Variants in CSMD1 observed in about 807,000 individuals in gnomAD.
CSMD1 encodes CUB and sushi domain-containing protein 1.
Under a neutral mutation model 417.5 loss-of-function variants are expected in CSMD1, and 213 were observed. That is an observed-to-expected ratio of 0.51 (90% CI 0.46 to 0.57). The LOEUF (loss-of-function observed/expected upper bound fraction) is 0.57. Among genes scored for constraint, CSMD1 ranks in the 20% least tolerant of loss-of-function variants. The pLI is 0.00. For synonymous variants in CSMD1, 2,862 were observed against 1,736.8 expected (o/e 1.65, Z -16.11); for missense variants, 6,923 against 4,529.7 (o/e 1.53, Z -15.17).
rs1801496411 is a variant in CSMD1, at chr8:2,936,485, G to A, written c.*2100C>T. 6.6e-6 allele frequency: 1 copy of A among 152,008 alleles called. No homozygotes were observed. The highest frequency in any genetic ancestry group is 2.4e-5 in the African/African-American group (1 of 41,388). 9.4% of individuals were successfully genotyped at this position (152,008 alleles called of 1,614,324 possible). ...AATCATCTTCTGTTTCGTTCAATGT[G>A]TGTGTTAGGAGCACGACTCCCGCTG... is the stretch of plus-strand genomic sequence containing the variant. On this transcript the variant is annotated 3_prime_UTR_variant, in exon 70 of 70. Coordinates refer to ENST00000635120, the MANE Select transcript of CSMD1 (RefSeq NM_033225.6).
At chr8:4,747,009 G>T (rs879756054) in intron 1 of CSMD1, among the ~76,000 whole-genome samples, 3 of 152,150 alleles carry the variant, frequency 2.0e-5, no homozygotes, top group Non-Finnish European at 4.4e-5. Flanking sequence ...TCGTGAGAAG[G>T]CGGTTCAGAG....
intron 21 of CSMD1, among the ~76,000 whole-genome samples, chr8:3,350,129 C>T (rs973342536): frequency 1.0e-5 from 1 of 100,162 alleles, no homozygotes; most frequent in African/African-American, 3.9e-5. Flanking sequence ...GTTACAATAC[C>T]TATAATAACC....
At chr8:4,333,225 C>T (rs908837551) in intron 3 of CSMD1, among the ~76,000 whole-genome samples, 11 of 152,100 alleles carry the variant, frequency 7.2e-5, no homozygotes, top group Non-Finnish European at 1.5e-4. Flanking sequence ...AGAAGTCACA[C>T]CCTGCCTAGT....
At chr8:3,267,647 C>G (rs986731416) in intron 26 of CSMD1, among the ~76,000 whole-genome samples, 1 of 152,282 alleles carries the variant, frequency 6.6e-6, no homozygotes, top group Admixed American at 6.5e-5. Flanking sequence ...AAGCAAAGAG[C>G]CAACATACAG....
chr8:2,937,056 G>A lies in CSMD1; in HGVS notation c.*1529C>T, dbSNP rs1432747909. 2.0e-5 allele frequency: 3 copies of A among 152,098 alleles called. No homozygotes were observed. Among genetic ancestry groups the A allele is most frequent in the African/African-American group, 7.2e-5 (3 of 41,400 alleles). 9.4% of individuals were successfully genotyped at this position (152,098 alleles called of 1,614,324 possible). On this transcript the variant is annotated 3_prime_UTR_variant, in exon 70 of 70. Transcript: ENST00000635120. The stretch of plus-strand genomic sequence containing the variant: ...AAATATTTTTATCAAATAAGTATAA[G>A]TAAAAGTAAACATGATTTTCACTTT...
intron 5 of CSMD1, among the ~76,000 whole-genome samples, chr8:3,861,009 T>C (rs184599009): frequency 7.2e-5 from 11 of 152,212 alleles, no homozygotes; most frequent in African/African-American, 2.7e-4. Flanking sequence ...ATGACAGATA[T>C]GTAAGTTTTC....
At chr8:4,004,358 A>G (rs1330930764) in intron 4 of CSMD1, among the ~76,000 whole-genome samples, 2 of 151,964 alleles carry the variant, frequency 1.3e-5, no homozygotes, top group Admixed American at 6.6e-5. Context: ...TCCACAAACA[A>G]TATATTTAAA....
intron 1 of CSMD1, among the ~76,000 whole-genome samples, chr8:4,816,009 C>T (rs565365592): frequency 2.4e-4 from 37 of 152,118 alleles, no homozygotes; most frequent in Non-Finnish European, 3.4e-4. Flanking sequence ...AAAAATGTCA[C>T]GCTATTAAGG....
intron 4 of CSMD1, among the ~76,000 whole-genome samples, chr8:4,000,227 C>A (rs1329180308): frequency 4.0e-5 from 6 of 150,712 alleles, no homozygotes; most frequent in Non-Finnish European, 8.8e-5. Context: ...GAATGTCTCT[C>A]CTGCCCCCCG....
At chr8:3,262,151 A>G (rs1801111749) in intron 26 of CSMD1, among the ~76,000 whole-genome samples, 1 of 143,660 alleles carries the variant, frequency 7.0e-6, no homozygotes, top group African/African-American at 2.6e-5. Flanking sequence ...CAGTGAATGC[A>G]AACCATTTTA....
intron 6 of CSMD1, among the ~76,000 whole-genome samples, chr8:3,734,763 C>G (rs967770073): frequency 6.6e-6 from 1 of 152,176 alleles, no homozygotes; most frequent in Non-Finnish European, 1.5e-5. Context: ...GCTGCTTCTT[C>G]TGTAATCAGA....
In CSMD1 at chr8:3,151,303, T is replaced by C. The variant is rs151241549; in HGVS notation, c.6031+94A>G. ...CCACTTTCAATTACAGATACAGTTATGCCAACAGAATAAGGCATTTTATTC... is the reference window on the plus strand; with the variant it reads ...CCACTTTCAATTACAGATACAGTTACGCCAACAGAATAAGGCATTTTATTC... On this transcript the variant is annotated intron_variant, in intron 40 of 69. Coordinates refer to ENST00000635120, the MANE Select transcript of CSMD1 (RefSeq NM_033225.6). The C allele has an allele frequency of 1.2e-3, 876 of 750,916 alleles. 12 individuals are homozygous for C. In the East Asian group the frequency reaches 0.02, roughly 17 times the overall value. The allele number at this position is 750,916 out of a possible 1,614,324, so 46.5% of individuals were successfully genotyped here.
intron 26 of CSMD1, among the ~76,000 whole-genome samples, chr8:3,276,462 G>A (rs1446072712): frequency 6.6e-6 from 1 of 152,168 alleles, no homozygotes; most frequent in African/African-American, 2.4e-5. Flanking sequence ...AGAAGAGAGA[G>A]CTTGTGCAGG....
intron 7 of CSMD1, among the ~76,000 whole-genome samples, chr8:3,656,429 C>A (rs1798111028): frequency 6.6e-6 from 1 of 152,102 alleles, no homozygotes; most frequent in Non-Finnish European, 1.5e-5. Context: ...CACAGCATTT[C>A]TTATCTTTGT....
At chr8:3,231,088 G>C (rs1310014108) in intron 26 of CSMD1, among the ~76,000 whole-genome samples, 3 of 152,122 alleles carry the variant, frequency 2.0e-5, no homozygotes, top group Non-Finnish European at 4.4e-5. Flanking sequence ...CAAGCCCAGA[G>C]TTTTCACCAG....
chr8:4,580,211 G>A (rs965652609), intron 2 of CSMD1, among the ~76,000 whole-genome samples: 3 of 152,166 alleles, frequency 2.0e-5, no homozygotes, highest in Non-Finnish European at 4.4e-5. Context: ...CTTGCCCCCT[G>A]CTGCCCTTCC....
Position 3,903,903 on chromosome 8 carries a change from G to A in CSMD1, c.818+94000C>T, listed in dbSNP as rs555269556. ...ATATTTTTTTACCTCCACAGGACACGTGGCACACTACCATGTACCTCTTTG... is the reference window on the plus strand; with the variant it reads ...ATATTTTTTTACCTCCACAGGACACATGGCACACTACCATGTACCTCTTTG... On this transcript the variant is annotated intron_variant, in intron 5 of 69. Coordinates refer to ENST00000635120, the MANE Select transcript of CSMD1 (RefSeq NM_033225.6). 1.6e-4 allele frequency among the ~76,000 whole-genome samples: 24 copies of A among 152,122 alleles called. No individual in the cohort carries two copies. In the South Asian group the frequency reaches 1.7e-3, roughly 11 times the overall value.
chr8:3,350,305 T>C (rs142342202), intron 21 of CSMD1, among the ~76,000 whole-genome samples: 9 of 149,682 alleles, frequency 6.0e-5, no homozygotes, highest in African/African-American at 1.7e-4. Flanking sequence ...ATAATACCTA[T>C]AATAACCTAT....
intron 21 of CSMD1, among the ~76,000 whole-genome samples, chr8:3,351,598 C>CAAA (rs10718608): frequency 8.0e-5 from 10 of 124,264 alleles, no homozygotes; most frequent in Admixed American, 3.2e-4. Context: ...GACTCTGTTT[C>CAAA]AAAAAAAAAA....
Sources: allele counts gnomAD v4.1 joint callset (sites outside exome capture counted in the v4.1 genomes callset), GRCh38; gene constraint gnomAD v4.1.1; transcripts MANE v1.5; gene names NCBI Gene and HGNC (gene_info 2026-07-23, HGNC 2026-07-21).